Variants in NOL4 observed in about 807,000 individuals in gnomAD.
NOL4 encodes cancer/testis antigen 125.
Under a neutral mutation model 75.9 loss-of-function variants are expected in NOL4, and 17 were observed. That is an observed-to-expected ratio of 0.22 (90% confidence interval 0.15 to 0.34). The LOEUF is 0.34. NOL4 is among the 10% of genes least tolerant of loss of function. NOL4 has a pLI of 1.00. For missense variants in NOL4, 614 were observed against 793.5 expected (o/e 0.77, Z 2.72); for synonymous variants, 292 against 289.9 (o/e 1.01, Z -0.07).
intron 1 of NOL4, among the ~76,000 whole-genome samples, chr18:34,139,464 T>C (rs914766627): frequency 2.0e-5 from 3 of 152,232 alleles, no homozygotes; most frequent in Non-Finnish European, 2.9e-5. Flanking sequence ...TTTATTTGCA[T>C]AGAGGTGTTT....
intron 4 of NOL4, among the ~76,000 whole-genome samples, chr18:34,094,590 T>C (rs1445940098): frequency 2.0e-5 from 3 of 152,218 alleles, no homozygotes; most frequent in Admixed American, 6.5e-5. Flanking sequence ...GGAGAACTGA[T>C]TTTTGGACAA....
intron 9 of NOL4, among the ~76,000 whole-genome samples, chr18:33,887,708 T>C (rs2064842154): frequency 6.6e-6 from 1 of 152,122 alleles, no homozygotes; most frequent in African/African-American, 2.4e-5. Context: ...CTGAGAATGA[T>C]GGTTTCCAGC....
intron 5 of NOL4, among the ~76,000 whole-genome samples, chr18:34,041,731 A>G (rs2076150277): frequency 1.3e-5 from 2 of 151,848 alleles, no homozygotes; most frequent in East Asian, 1.9e-4. Context: ...GGTGACCGAT[A>G]TTAAACAAAG....
chr18:34,042,537 T>G (rs1568262892), intron 5 of NOL4, among the ~76,000 whole-genome samples: 1 of 151,950 alleles, frequency 6.6e-6, no homozygotes. Flanking sequence ...ATTAATAGAC[T>G]AAATGCTTCT....
intron 10 of NOL4, among the ~76,000 whole-genome samples, chr18:33,880,058 T>C (rs934279000): frequency 1.3e-5 from 2 of 152,056 alleles, no homozygotes; most frequent in Non-Finnish European, 2.9e-5. Context: ...TGGGTAGAAA[T>C]TGCATCTCTC....
intron 1 of NOL4, among the ~76,000 whole-genome samples, chr18:34,198,025 A>G (rs1244396315): frequency 2.0e-5 from 3 of 151,930 alleles, no homozygotes; most frequent in African/African-American, 7.2e-5. Flanking sequence ...AAGAGTCAAG[A>G]CACCAAATCA....
intron 10 of NOL4, among the ~76,000 whole-genome samples, chr18:33,871,858 T>C (rs1386960393): frequency 6.6e-6 from 1 of 152,076 alleles, no homozygotes; most frequent in Non-Finnish European, 1.5e-5. Flanking sequence ...CACCTCCCTT[T>C]TCAGGGCCTT....
At chr18:34,099,149 G>C (rs1385324437) in intron 4 of NOL4, among the ~76,000 whole-genome samples, 3 of 151,572 alleles carry the variant, frequency 2.0e-5, no homozygotes, top group Admixed American at 2.0e-4. Flanking sequence ...GATCACCTGA[G>C]GTCAGGAGTT....
intron 9 of NOL4, among the ~76,000 whole-genome samples, chr18:33,912,941 C>T (rs2066495003): frequency 6.6e-6 from 1 of 152,048 alleles, no homozygotes; most frequent in South Asian, 2.1e-4. Flanking sequence ...CTACTATTCA[C>T]CAAAACTACA....
intron 1 of NOL4, among the ~76,000 whole-genome samples, chr18:34,193,205 T>A (rs2035050336): frequency 6.6e-6 from 1 of 152,094 alleles, no homozygotes; most frequent in Admixed American, 6.5e-5. Context: ...GTCTGGACAA[T>A]GATTTTTTGA....
At chr18:33,999,597 G>T (rs184260746) in intron 6 of NOL4, among the ~76,000 whole-genome samples, 1 of 152,116 alleles carries the variant, frequency 6.6e-6, no homozygotes, top group Non-Finnish European at 1.5e-5. Context: ...ATAATTTTGA[G>T]CTGTACAGCG....
chr18:34,092,715 AC>A (rs1407015767), intron 5 of NOL4, among the ~76,000 whole-genome samples: 1 of 152,162 alleles, frequency 6.6e-6, no homozygotes. Context: ...TCTATTTAAA[AC>A]CCTTTTTGTC....
At chr18:34,046,934 G>A (rs1338743632) in intron 5 of NOL4, among the ~76,000 whole-genome samples, 1 of 151,788 alleles carries the variant, frequency 6.6e-6, no homozygotes, top group Non-Finnish European at 1.5e-5. Context: ...TCACCAAAAA[G>A]GTTGTTGGAA....
intron 4 of NOL4, among the ~76,000 whole-genome samples, chr18:34,100,537 C>T (rs1351386875): frequency 2.6e-5 from 4 of 152,152 alleles, no homozygotes; most frequent in Admixed American, 6.6e-5. Context: ...TGACATAATA[C>T]ATTACTGTAG....
chr18:34,086,612 G>T (rs921083426), intron 5 of NOL4, among the ~76,000 whole-genome samples: 1 of 152,026 alleles, frequency 6.6e-6, no homozygotes, highest in African/African-American at 2.4e-5. Context: ...TTTACTGCTG[G>T]TTTATACACT....
intron 10 of NOL4, among the ~76,000 whole-genome samples, chr18:33,876,909 ACTT>A (rs142562153): frequency 0.016 from 2,461 of 152,164 alleles, 63 homozygotes; most frequent in African/African-American, 0.057. Flanking sequence ...GGGAAACATC[ACTT>A]CCCTTGCTAC....
intron 6 of NOL4, among the ~76,000 whole-genome samples, chr18:34,008,580 T>G (rs183118494): frequency 6.8e-4 from 103 of 152,110 alleles, no homozygotes; most frequent in African/African-American, 2.3e-3. Flanking sequence ...ACTTAATTAT[T>G]TTACGTGAAG....
chr18:34,120,802 T>C (rs1283294177), intron 2 of NOL4, among the ~76,000 whole-genome samples: 1 of 152,076 alleles, frequency 6.6e-6, no homozygotes, highest in Non-Finnish European at 1.5e-5. Flanking sequence ...CACCATATGA[T>C]ATAAAGAAAC....
chr18:34,056,572 C>T (rs62097852), intron 5 of NOL4, among the ~76,000 whole-genome samples: 51,142 of 151,874 alleles, frequency 0.34, 9,002 homozygotes, highest in South Asian at 0.5. Flanking sequence ...ATATAGAAAC[C>T]AATACTTCAG....
Sources: gnomAD v4.1 joint callset for allele counts (sites outside exome capture counted in the v4.1 genomes callset) on GRCh38, gnomAD v4.1.1 for gene constraint, MANE v1.5 for transcripts, NCBI Gene and HGNC (gene_info 2026-07-23, HGNC 2026-07-21) for gene names.